The following SV2C variants were observed in gnomAD, a reference collection of about 807,000 sequenced individuals.
The protein encoded by SV2C is solute carrier family 22 member B3.
In SV2C, 49 loss-of-function variants were observed where a neutral mutation model predicts 79.7. That is an observed-to-expected ratio of 0.61 (90% CI 0.49 to 0.78). The LOEUF is 0.78. Among genes scored for constraint, SV2C ranks in the 30% least tolerant of loss-of-function variants. SV2C has a pLI of 0.00. For missense variants in SV2C, 833 were observed against 912.9 expected, an observed-to-expected ratio of 0.91 and a Z score of 1.13; for synonymous variants, 334 against 333.2, an observed-to-expected ratio of 1.00 and a Z score of -0.03.
the SV2C span, among the ~76,000 whole-genome samples, chr5:75,944,318 C>T: frequency 6.6e-6 from 1 of 152,116 alleles, no homozygotes; most frequent in Non-Finnish European, 1.5e-5. Flanking sequence ...TTGGCCTAAT[C>T]CTGAAAAATT....
At chr5:76,003,644 G>A in the SV2C span, among the ~76,000 whole-genome samples, 1 of 151,986 alleles carries the variant, frequency 6.6e-6, no homozygotes, top group Non-Finnish European at 1.5e-5. Context: ...AGGGTGAGAA[G>A]GAGTCAAAAA....
chr5:76,004,997 A>G, the SV2C span, among the ~76,000 whole-genome samples: 1 of 152,184 alleles, frequency 6.6e-6, no homozygotes, highest in South Asian at 2.1e-4. Context: ...ATGATATATC[A>G]ACCAAGTTCT....
At chr5:76,214,251 G>A (rs1359254502) in intron 4 of SV2C, among the ~76,000 whole-genome samples, 1 of 152,122 alleles carries the variant, frequency 6.6e-6, no homozygotes, top group Non-Finnish European at 1.5e-5. Context: ...TTTTGCATAT[G>A]AATATCCAGC....
At chr5:76,219,709 A>C (rs1490865570) in intron 4 of SV2C, among the ~76,000 whole-genome samples, 1 of 152,134 alleles carries the variant, frequency 6.6e-6, no homozygotes, top group Non-Finnish European at 1.5e-5. Context: ...ACGTCTATTT[A>C]CTTTCTTGAG....
At chr5:76,257,167 T>TATTA (rs552175596) in intron 4 of SV2C, among the ~76,000 whole-genome samples, 48 of 152,344 alleles carry the variant, frequency 3.2e-4, no homozygotes, top group African/African-American at 1.1e-3. Flanking sequence ...TTATTAATCT[T>TATTA]ATTAATTAAC....
intron 6 of SV2C, 57 bp from the exon 7 acceptor site, chr5:76,291,164 T>A (rs1234519321): frequency 7.4e-7 from 1 of 1,358,428 alleles, no homozygotes; most frequent in Non-Finnish European, 1.0e-6. Flanking sequence ...ATTATAACCC[T>A]ACACTCAGCA....
the SV2C span, among the ~76,000 whole-genome samples, chr5:75,856,839 C>T: frequency 4.0e-5 from 6 of 151,884 alleles, no homozygotes; most frequent in South Asian, 2.1e-4. Flanking sequence ...GTTGCCTGTG[C>T]GAGTGGAACA....
chr5:76,043,590 AC>A, the SV2C span, among the ~76,000 whole-genome samples: 1 of 152,056 alleles, frequency 6.6e-6, no homozygotes, highest in Non-Finnish European at 1.5e-5. Flanking sequence ...ACCCCATTCC[AC>A]CTCATACACA....
intron 2 of SV2C, among the ~76,000 whole-genome samples, chr5:76,166,995 C>G (rs1296043612): frequency 6.6e-6 from 1 of 152,162 alleles, no homozygotes; most frequent in Non-Finnish European, 1.5e-5. Flanking sequence ...TCAAGCCATT[C>G]CAATTTTACT....
intron 4 of SV2C, among the ~76,000 whole-genome samples, chr5:76,245,469 T>C (rs1477738581): frequency 6.6e-6 from 1 of 152,190 alleles, no homozygotes; most frequent in African/African-American, 2.4e-5. Flanking sequence ...TCAGACTTAA[T>C]AAGCAGGAAG....
chr5:75,910,020 G>A, the SV2C span, among the ~76,000 whole-genome samples: 2,524 of 152,238 alleles, frequency 0.017, 64 homozygotes, highest in African/African-American at 0.057. Context: ...TTCAGGCAGG[G>A]CCCACCCAGC....
the SV2C span, among the ~76,000 whole-genome samples, chr5:76,040,017 A>G: frequency 6.6e-6 from 1 of 152,170 alleles, no homozygotes; most frequent in East Asian, 1.9e-4. Context: ...TATACAAAGG[A>G]CAGCATAACA....
At chr5:76,078,518 A>C (rs944785740), upstream of SV2C, 1 of 268,842 alleles carries the variant, frequency 3.7e-6, no homozygotes. Context: ...ACAAGCAGGC[A>C]TTAAGGGCTT....
chr5:76,350,350 A>T (rs1749623077), intron 12 of SV2C, among the ~76,000 whole-genome samples: 1 of 152,214 alleles, frequency 6.6e-6, no homozygotes, highest in Non-Finnish European at 1.5e-5. Context: ...GAATATGGGG[A>T]ACTCTCCAAG....
At chr5:76,027,646 A>G in the SV2C span, among the ~76,000 whole-genome samples, 2 of 152,156 alleles carry the variant, frequency 1.3e-5, no homozygotes, top group Non-Finnish European at 2.9e-5. Context: ...AGTCTTTTCT[A>G]CTAATTATCA....
intron 4 of SV2C, among the ~76,000 whole-genome samples, chr5:76,254,985 C>T (rs777131398): frequency 5.3e-5 from 8 of 152,138 alleles, no homozygotes; most frequent in Non-Finnish European, 1.2e-4. Context: ...ACCCCACCCC[C>T]AAATGGATTT....
intron 3 of SV2C, among the ~76,000 whole-genome samples, chr5:76,195,680 C>T (rs1458347465): frequency 6.6e-6 from 1 of 152,018 alleles, no homozygotes; most frequent in Admixed American, 6.6e-5. Flanking sequence ...GAGCTTAAAG[C>T]ACTTATAACT....
chr5:76,193,629 C>A (rs565637931), intron 2 of SV2C, among the ~76,000 whole-genome samples: 3 of 152,114 alleles, frequency 2.0e-5, no homozygotes, highest in African/African-American at 7.2e-5. Context: ...AGGTTTTAAC[C>A]CTTTAGTTAC....
intron 12 of SV2C, among the ~76,000 whole-genome samples, chr5:76,313,412 G>GTAGT (rs1466740656): frequency 6.6e-6 from 1 of 152,064 alleles, no homozygotes; most frequent in Non-Finnish European, 1.5e-5. Flanking sequence ...TTTGTCTCTG[G>GTAGT]TAGTTAGAAG....
Sources: allele counts gnomAD v4.1 joint callset (sites outside exome capture counted in the v4.1 genomes callset), GRCh38; gene constraint gnomAD v4.1.1; transcripts MANE v1.5; gene names NCBI Gene and HGNC (gene_info 2026-07-23, HGNC 2026-07-21).